ADAMTS2: variants seen among roughly 807,000 people sequenced by gnomAD.
ADAMTS2 encodes A disintegrin and metalloproteinase with thrombospondin motifs 2.
In ADAMTS2, 50 loss-of-function variants were observed where a neutral mutation model predicts 123.0. That is an observed-to-expected ratio of 0.41 (90% CI 0.32 to 0.51). The LOEUF (loss-of-function observed/expected upper bound fraction) is 0.51. Ranked by LOEUF, ADAMTS2 falls within the 20% of genes least tolerant of loss-of-function variation. The probability of loss-of-function intolerance (pLI) is 0.35; values close to 1 mark genes in which losing one functional copy is unlikely to be tolerated. For missense variants in ADAMTS2, 1,494 were observed against 1,705.2 expected, an observed-to-expected ratio of 0.88 and a Z score of 2.18; for synonymous variants, 678 against 695.4, an observed-to-expected ratio of 0.98 and a Z score of 0.39.
intron 5 of ADAMTS2, among the ~76,000 whole-genome samples, chr5:179,173,046 A>G (rs1318349930): frequency 2.0e-5 from 3 of 151,254 alleles, no homozygotes; most frequent in Non-Finnish European, 2.9e-5. Flanking sequence ...CTCTACAAAA[A>G]AAAAAAGAAA....
At chr5:179,223,764 T>C in intron 3 of ADAMTS2, among the ~76,000 whole-genome samples, 1 of 151,808 alleles carries the variant, frequency 6.6e-6, no homozygotes, top group Non-Finnish European at 1.5e-5. Flanking sequence ...TGCATGTGCG[T>C]GTATGTGAGT....
At position 179,162,928 on chromosome 5, in the gene ADAMTS2, G is replaced by C. The variant is rs569615990; in HGVS notation, c.976-4049C>G. 4.6e-5 allele frequency among the ~76,000 whole-genome samples: 7 copies of C among 152,204 alleles called. No individual in the cohort carries two copies. The highest frequency in any genetic ancestry group is 1.0e-4 in the Non-Finnish European group (7 of 68,036). On this transcript the variant is annotated intron_variant, in intron 5 of 21. Transcript: ENST00000251582. The surrounding 1 kb of genome is among the most constrained non-coding windows in gnomAD (Gnocchi z 5.1). ...CGCTGGCCCATGAAAGATGGCGTCT[G>C]ATCTGGGGGCAGCTGATATGTTCTG...
intron 11 of ADAMTS2, 35 bp from the exon 12 acceptor site, chr5:179,137,979 C>G (rs1003367574): frequency 1.3e-6 from 2 of 1,538,658 alleles, no homozygotes. Flanking sequence ...CCGCTCCGTG[C>G]CATTGGAAAG....
In ADAMTS2 at chr5:179,242,079, G is replaced by A. The variant is rs759938065; in HGVS notation, c.688+30832C>T. Among the ~76,000 whole-genome samples, 1 of 152,278 alleles carries A rather than the reference G, an allele frequency of 6.6e-6. No homozygotes were observed. Among genetic ancestry groups the A allele is most frequent in the African/African-American group, 2.4e-5 (1 of 41,552 alleles). ...ATGACTGGAGTGAGACTAATCATGG[G>A]TCTTCCATGAGATCTGAACATTGGG... On this transcript the variant is annotated intron_variant, in intron 3 of 21. Transcript: ENST00000251582. The surrounding 1 kb of genome is among the most constrained non-coding windows in gnomAD (Gnocchi z 4.2).
rs1288768623 is a variant in ADAMTS2, at chr5:179,200,271, G to C, written c.891+7242C>G. 7.5e-5 allele frequency among the ~76,000 whole-genome samples: 9 copies of C among 120,768 alleles called. No homozygotes were observed. The East Asian group carries it at 1.4e-3, about 19-fold the overall frequency. 79.2% of individuals were successfully genotyped at this position (120,768 alleles called of 152,430 possible). A position where few individuals can be genotyped will look rare whatever the true frequency, so the allele number is the denominator to read the frequency against. On this transcript the variant is annotated intron_variant, in intron 4 of 21. Coordinates refer to ENST00000251582, the MANE Select transcript of ADAMTS2 (RefSeq NM_014244.5). ...TTTTTTTTTTTTTTTTTTTTTGAGA[G>C]AGAATCTCACTCTGTCGCCCAGACT...
At chr5:179,322,243 G>A (rs1461723111) in intron 2 of ADAMTS2, among the ~76,000 whole-genome samples, 2 of 152,222 alleles carry the variant, frequency 1.3e-5, no homozygotes, top group Non-Finnish European at 2.9e-5. Flanking sequence ...GACTGCCGGT[G>A]CTGGGAATGC....
At position 179,113,588 on chromosome 5, in the gene ADAMTS2, T is replaced by C. The variant is rs1762608644; in HGVS notation, c.*279A>G. 1 of 494,382 alleles carries C rather than the reference T, an allele frequency of 2.0e-6. No individual in the cohort carries two copies. The highest frequency in any genetic ancestry group is 3.7e-6 in the Non-Finnish European group (1 of 271,968). 30.6% of individuals were successfully genotyped at this position (494,382 alleles called of 1,614,324 possible). On this transcript the variant is annotated 3_prime_UTR_variant, in exon 22 of 22. Transcript: ENST00000251582. ...TCTCTCAGAGTGATCCCTCTTGCCC[T>C]GCCCTCACTGAGGGAGGCCATACAG...
At chr5:179,238,533 G>C (rs1207328603) in intron 3 of ADAMTS2, among the ~76,000 whole-genome samples, 2 of 152,122 alleles carry the variant, frequency 1.3e-5, no homozygotes, top group Non-Finnish European at 2.9e-5. Context: ...GAGCGCCAGG[G>C]TAGGTCCCAC....
chr5:179,283,999 T>C (rs1198780531), intron 2 of ADAMTS2, among the ~76,000 whole-genome samples: 1 of 146,320 alleles, frequency 6.8e-6, no homozygotes, highest in African/African-American at 2.5e-5. Flanking sequence ...TTTTGGAGAC[T>C]CCAGCCTGGG....
chr5:179,229,733 C>G (rs1765366868), intron 3 of ADAMTS2, among the ~76,000 whole-genome samples: 1 of 152,236 alleles, frequency 6.6e-6, no homozygotes, highest in Non-Finnish European at 1.5e-5. Context: ...AGGAAATGGG[C>G]CGCAGGCAGC....
intron 3 of ADAMTS2, among the ~76,000 whole-genome samples, chr5:179,224,109 C>T (rs1393510614): frequency 4.6e-5 from 7 of 152,158 alleles, no homozygotes; most frequent in South Asian, 2.1e-4. Context: ...AGCAGTTGGC[C>T]GTGGAGTCTA....
In ADAMTS2 at chr5:179,272,979, C is replaced by T. The variant is rs753810968; in HGVS notation, c.620G>A (p.Arg207His). 6 of 1,613,066 alleles carry T rather than the reference C, an allele frequency of 3.7e-6. No individual in the cohort carries two copies. In the Admixed American group the frequency reaches 6.7e-5, roughly 18 times the overall value. The change falls in exon 3 of 22, where the codon CGT (arginine) becomes CAT (histidine). Residue 207 changes from arginine (R) to histidine (H), a missense_variant. Transcript: ENST00000251582. This position sits in a 1 kb window ranked among gnomAD's most constrained non-coding sequence, Gnocchi z 5.8. ...TGGCCGGCGATACACCACATGCACA[C>T]GGCCTTGCTCAGCCTCCTGCGCCGC... ...GLAAQEAEQG[R>H]VHVVYRRPPT...
At chr5:179,152,403 G>A in intron 9 of ADAMTS2, 148 bp from the exon 10 acceptor site, 1 of 796,158 alleles carries the variant, frequency 1.3e-6, no homozygotes, top group Non-Finnish European at 2.1e-6. Context: ...TGTGATTCTG[G>A]GGTGGTGAAG....
chr5:179,342,356 G>T lies in ADAMTS2; in HGVS notation c.534+1411C>A, dbSNP rs116415915. Among the ~76,000 whole-genome samples, 1,309 of 152,260 alleles carry T rather than the reference G, an allele frequency of 8.6e-3. 21 individuals carry two copies. The highest frequency in any genetic ancestry group is 0.03 in the African/African-American group (1,252 of 41,554). ...AAATGGGACACACCTCTGAGGCCCA[G>T]GATGTCCTCAGAGACAGTGGGCGAT... is the stretch of plus-strand genomic sequence containing the variant. On this transcript the variant is annotated intron_variant, in intron 2 of 21. Coordinates refer to ENST00000251582, the MANE Select transcript of ADAMTS2 (RefSeq NM_014244.5).
At chr5:179,151,137 T>C (rs533038363) in intron 10 of ADAMTS2, 122 of 382,694 alleles carry the variant, frequency 3.2e-4, no homozygotes, top group African/African-American at 2.4e-3. Flanking sequence ...CCTCAGGCGA[T>C]CCACCTACCT....
chr5:179,257,614 G>C (rs1766095534), intron 3 of ADAMTS2, among the ~76,000 whole-genome samples: 1 of 152,202 alleles, frequency 6.6e-6, no homozygotes, highest in Admixed American at 6.5e-5. Context: ...CTGCCTCCAA[G>C]AACAACAGGA....
Position 179,308,340 on chromosome 5 carries a change from G to A in ADAMTS2, c.535-35276C>T, listed in dbSNP as rs566418539. On this transcript the variant is annotated intron_variant, in intron 2 of 21. Coordinates refer to ENST00000251582, the MANE Select transcript of ADAMTS2 (RefSeq NM_014244.5). The surrounding 1 kb of genome is among the most constrained non-coding windows in gnomAD (Gnocchi z 6.6). ...TGACAAATGACCGCCTTGGGGATCC[G>A]TGGAGCTCAGCGGTGCCCAGAGAGA... Among the ~76,000 whole-genome samples the A allele has an allele frequency of 5.9e-5, 9 of 152,308 alleles. No homozygotes were observed. Among genetic ancestry groups the A allele is most frequent in the African/African-American group, 2.2e-4 (9 of 41,558 alleles).
rs1766572915 is a variant in ADAMTS2 at position 179,272,732 on chromosome 5, C to T, written c.688+179G>A. On this transcript the variant is annotated intron_variant, in intron 3 of 21. Coordinates refer to ENST00000251582, the MANE Select transcript of ADAMTS2 (RefSeq NM_014244.5). The surrounding 1 kb of genome is among the most constrained non-coding windows in gnomAD (Gnocchi z 5.8). ...AGAACAGAGGCCCCAGCCCCAGCAGCCCTGCTACGCCCTGCCGTCAGCCAG... is the reference window on the plus strand; with the variant it reads ...AGAACAGAGGCCCCAGCCCCAGCAGTCCTGCTACGCCCTGCCGTCAGCCAG... 6.6e-6 allele frequency among the ~76,000 whole-genome samples: 1 copy of T among 152,202 alleles called. No individual in the cohort carries two copies. The highest frequency in any genetic ancestry group is 2.4e-5 in the African/African-American group (1 of 41,438).
In ADAMTS2 at chr5:179,130,640, G is replaced by T. The variant is rs1042699993; in HGVS notation, c.2291-542C>A. On this transcript the variant is annotated intron_variant, in intron 15 of 21. Transcript: ENST00000251582. This position sits in a 1 kb window ranked among gnomAD's most constrained non-coding sequence, Gnocchi z 4.3. ...CCCAGAAGAGGCCTGGCCTGATTGG[G>T]TGACACTCAGGTCATCTAGGAGCAG... Among the ~76,000 whole-genome samples the T allele has an allele frequency of 6.6e-6, 1 of 152,170 alleles. No homozygotes were observed. Among genetic ancestry groups the T allele is most frequent in the African/African-American group, 2.4e-5 (1 of 41,440 alleles).
Sources: gnomAD v4.1 joint callset for allele counts (sites outside exome capture counted in the v4.1 genomes callset) on GRCh38, gnomAD v4.1.1 for gene constraint, Gnocchi (gnomAD v3.1) non-coding constraint, MANE v1.5 for transcripts, NCBI Gene and HGNC (gene_info 2026-07-23, HGNC 2026-07-21) for gene names.